The following MARCHF1 variants were observed in gnomAD, a reference collection of about 807,000 sequenced individuals.
MARCHF1 encodes the protein membrane associated ring-CH-type finger 1.
A neutral mutation model predicts 54.2 loss-of-function variants in MARCHF1; 40 were observed. That is an observed-to-expected ratio of 0.74 (90% CI 0.57 to 0.96). The LOEUF (loss-of-function observed/expected upper bound fraction) is 0.96. MARCHF1 is among the 40% of genes least tolerant of loss of function. MARCHF1 has a pLI of 0.00. For missense variants in MARCHF1, 586 were observed against 656.5 expected (o/e 0.89, Z 1.17); for synonymous variants, 236 against 236.3 (o/e 1.00, Z 0.01).
chr4:164,125,480 CA>C (rs1325653376), intron 1 of MARCHF1, among the ~76,000 whole-genome samples: 2 of 152,052 alleles, frequency 1.3e-5, no homozygotes, highest in African/African-American at 4.8e-5. Context: ...ATAGGAAATC[CA>C]AAATGTACAT....
chr4:164,263,901 T>G (rs992284976), intron 1 of MARCHF1, among the ~76,000 whole-genome samples: 1 of 152,144 alleles, frequency 6.6e-6, no homozygotes, highest in Non-Finnish European at 1.5e-5. Flanking sequence ...TTGGTGGGTG[T>G]GCAAATCAGT....
rs191435088 is a variant in MARCHF1, at chr4:163,586,287, A to G, written c.1011-358T>C. On this transcript the variant is annotated intron_variant, in intron 7 of 9. Transcript: ENST00000514618. Reference sequence around the variant, plus strand: ...TTCAGGCTATGTGTACAAAGCGTATATGAAACATAAATGAATTCTGTGTTT... The same window carrying G: ...TTCAGGCTATGTGTACAAAGCGTATGTGAAACATAAATGAATTCTGTGTTT... 6.7e-3 allele frequency among the ~76,000 whole-genome samples: 1,022 copies of G among 152,316 alleles called. 13 individuals are homozygous for G. Among genetic ancestry groups the G allele is most frequent in the Non-Finnish European group, 6.1e-3 (417 of 68,028 alleles).
chr4:163,759,145 G>A (rs574546044), intron 4 of MARCHF1, among the ~76,000 whole-genome samples: 2 of 148,652 alleles, frequency 1.3e-5, no homozygotes, highest in Non-Finnish European at 3.0e-5. Context: ...TATTCATGCT[G>A]GTTTCTTTTT....
chr4:163,899,627 G>A (rs1484867038), intron 3 of MARCHF1, among the ~76,000 whole-genome samples: 8 of 151,896 alleles, frequency 5.3e-5, no homozygotes, highest in South Asian at 2.1e-4. Flanking sequence ...ACTCTCAAAT[G>A]TCCATATCCC....
intron 1 of MARCHF1, among the ~76,000 whole-genome samples, chr4:164,334,795 T>C (rs1729687256): frequency 6.6e-6 from 1 of 152,174 alleles, no homozygotes; most frequent in African/African-American, 2.4e-5. Flanking sequence ...GATTTGTCAT[T>C]CTATATGCCA....
intron 4 of MARCHF1, among the ~76,000 whole-genome samples, chr4:163,729,568 T>C (rs1373196018): frequency 1.3e-5 from 2 of 152,140 alleles, no homozygotes; most frequent in African/African-American, 4.8e-5. Context: ...TTTCTTCTTA[T>C]GTAAATTTTG....
chr4:164,270,146 T>C (rs1219357792), intron 1 of MARCHF1, among the ~76,000 whole-genome samples: 1 of 152,184 alleles, frequency 6.6e-6, no homozygotes, highest in African/African-American at 2.4e-5. Context: ...CCTTGGCTGA[T>C]TCTGTGGCAG....
chr4:163,608,754 AG>A (rs1362099089), intron 7 of MARCHF1, among the ~76,000 whole-genome samples: 1 of 152,020 alleles, frequency 6.6e-6, no homozygotes, highest in Non-Finnish European at 1.5e-5. Context: ...GGAACAGAAA[AG>A]GAAGAAGGCT....
At chr4:163,796,231 T>G (rs937739904) in intron 4 of MARCHF1, among the ~76,000 whole-genome samples, 3 of 143,916 alleles carry the variant, frequency 2.1e-5, no homozygotes, top group African/African-American at 5.1e-5. Context: ...GTTTTTTTTT[T>G]TTTTTTTTTT....
intron 1 of MARCHF1, among the ~76,000 whole-genome samples, chr4:164,324,234 C>A (rs931117989): frequency 4.6e-5 from 7 of 151,806 alleles, no homozygotes; most frequent in African/African-American, 1.7e-4. Context: ...ACATTTCATA[C>A]ATTCCTAAAG....
At chr4:163,659,670 T>A (rs1281095219) in intron 5 of MARCHF1, among the ~76,000 whole-genome samples, 1 of 151,782 alleles carries the variant, frequency 6.6e-6, no homozygotes, top group Non-Finnish European at 1.5e-5. Context: ...AAAGGTCTAA[T>A]ATCCAGAGTC....
chr4:164,132,565 C>A (rs1181058404), intron 1 of MARCHF1, among the ~76,000 whole-genome samples: 2 of 152,132 alleles, frequency 1.3e-5, no homozygotes, highest in Non-Finnish European at 2.9e-5. Flanking sequence ...ATGGCGACTG[C>A]AAGTTCTGGC....
At chr4:163,939,034 G>C (rs527609560) in intron 3 of MARCHF1, among the ~76,000 whole-genome samples, 8 of 152,150 alleles carry the variant, frequency 5.3e-5, no homozygotes, top group African/African-American at 1.4e-4. Flanking sequence ...CAGATGACCT[G>C]GTGCAATCTC....
At chr4:164,033,934 A>C (rs1052481298) in intron 2 of MARCHF1, among the ~76,000 whole-genome samples, 3 of 152,144 alleles carry the variant, frequency 2.0e-5, no homozygotes, top group Non-Finnish European at 2.9e-5. Context: ...GTATATACCC[A>C]AAGGAATATA....
intron 1 of MARCHF1, among the ~76,000 whole-genome samples, chr4:164,304,689 T>C (rs112510168): frequency 3.5e-4 from 53 of 152,306 alleles, no homozygotes; most frequent in African/African-American, 1.1e-3. Context: ...AAAACACCTT[T>C]GATCCTTAAC....
chr4:164,364,188 T>G (rs2110934851), intron 1 of MARCHF1, among the ~76,000 whole-genome samples: 1 of 152,148 alleles, frequency 6.6e-6, no homozygotes, highest in South Asian at 2.1e-4. Context: ...CAGAGAAAAG[T>G]TCTGGTATTT....
At chr4:164,119,935 A>G (rs954551266) in intron 1 of MARCHF1, among the ~76,000 whole-genome samples, 1 of 152,094 alleles carries the variant, frequency 6.6e-6, no homozygotes, top group Non-Finnish European at 1.5e-5. Context: ...TAATGCCAAT[A>G]GTATTTAAAT....
intron 1 of MARCHF1, among the ~76,000 whole-genome samples, chr4:164,241,819 C>T (rs1014315761): frequency 3.9e-5 from 6 of 152,200 alleles, no homozygotes; most frequent in Admixed American, 1.3e-4. Flanking sequence ...ACTTGGGAAG[C>T]ACAAGAGGTC....
intron 1 of MARCHF1, among the ~76,000 whole-genome samples, chr4:164,196,801 G>A (rs931099643): frequency 5.2e-4 from 79 of 151,680 alleles, no homozygotes; most frequent in African/African-American, 1.9e-3. Flanking sequence ...TTAGTCCACC[G>A]CCTCCTGCCC....
Sources: allele counts gnomAD v4.1 joint callset (sites outside exome capture counted in the v4.1 genomes callset), GRCh38; gene constraint gnomAD v4.1.1; transcripts MANE v1.5; gene names NCBI Gene and HGNC (gene_info 2026-07-23, HGNC 2026-07-21).